GALNT9: variants seen among roughly 807,000 people sequenced by gnomAD.
The protein encoded by GALNT9 is GalNAc transferase 9.
Under a neutral mutation model 63.1 loss-of-function variants are expected in GALNT9, and 47 were observed. That is an observed-to-expected ratio of 0.75 (90% CI 0.59 to 0.95). GALNT9 has a LOEUF of 0.95. GALNT9 is among the 40% of genes least tolerant of loss of function. The probability of loss-of-function intolerance (pLI) is 0.00; values close to 1 mark genes in which losing one functional copy is unlikely to be tolerated. For missense variants in GALNT9, 829 were observed against 874.8 expected (o/e 0.95, Z 0.66); for synonymous variants, 396 against 365.7 (o/e 1.08, Z -0.94).
At chr12:132,317,400 TGCCCAG>T (rs749064468) in intron 1 of GALNT9, among the ~76,000 whole-genome samples, 1 of 152,306 alleles carries the variant, frequency 6.6e-6, no homozygotes, top group South Asian at 2.1e-4. Context: ...TCACAGTGTG[TGCCCAG>T]GCCCAGGCCT....
At chr12:132,210,851 GTCTGGCGGTTGCCA>G (rs1458505049) in intron 6 of GALNT9, among the ~76,000 whole-genome samples, 1 of 148,438 alleles carries the variant, frequency 6.7e-6, no homozygotes, top group African/African-American at 2.6e-5. Context: ...GGAGGTCGCC[GTCTGGCGGTTGCCA>G]TCTGGAGGTC....
chr12:132,260,076 G>T (rs1555239577), intron 4 of GALNT9, among the ~76,000 whole-genome samples: 1 of 99,728 alleles, frequency 1.0e-5, no homozygotes, highest in Non-Finnish European at 2.0e-5. Flanking sequence ...GGACCCCGTA[G>T]GTGCCCTCTG....
intron 4 of GALNT9, among the ~76,000 whole-genome samples, chr12:132,258,484 C>T (rs73469886): frequency 0.033 from 5,016 of 152,246 alleles, 274 homozygotes; most frequent in African/African-American, 0.11. Flanking sequence ...CGCTCAAGGA[C>T]GGGACGGAGG....
intron 1 of GALNT9, among the ~76,000 whole-genome samples, chr12:132,307,161 G>A (rs1329383297): frequency 7.2e-5 from 11 of 152,150 alleles, no homozygotes; most frequent in Non-Finnish European, 2.9e-5. Context: ...GAGTGGTGGG[G>A]ACTGCGGCTC....
intron 6 of GALNT9, among the ~76,000 whole-genome samples, chr12:132,235,545 A>C (rs1286579407): frequency 6.6e-6 from 1 of 152,040 alleles, no homozygotes; most frequent in African/African-American, 2.4e-5. Context: ...AACCCCCTTG[A>C]AGTGCCCCTC....
At chr12:132,263,496 C>T (rs1163211114) in intron 2 of GALNT9, among the ~76,000 whole-genome samples, 1 of 151,986 alleles carries the variant, frequency 6.6e-6, no homozygotes, top group African/African-American at 2.4e-5. Context: ...AGAGGCACTC[C>T]CAGAGCCCAG....
At position 132,246,917 on chromosome 12, in the gene GALNT9, A is replaced by C. The variant is rs1555238034; in HGVS notation, c.1077+993T>G. On this transcript the variant is annotated intron_variant, in intron 6 of 10. Coordinates refer to ENST00000328957, the MANE Select transcript of GALNT9 (RefSeq NM_001122636.2). The surrounding 1 kb of genome is among the most constrained non-coding windows in gnomAD (Gnocchi z 4.7). ...CGTTTTATTGATTGAATTTGTGTCC[A>C]CGATAGTACGATCTTTAAAGTGAAC... Among the ~76,000 whole-genome samples the C allele has an allele frequency of 6.6e-6, 1 of 152,208 alleles. No homozygotes were observed. The highest frequency in any genetic ancestry group is 6.5e-5 in the Admixed American group (1 of 15,274).
At chr12:132,293,792 C>T (rs963698733) in intron 1 of GALNT9, among the ~76,000 whole-genome samples, 5 of 144,512 alleles carry the variant, frequency 3.5e-5, no homozygotes, top group Admixed American at 2.0e-4. Context: ...AACGAGAAGC[C>T]GGGGGGTCCC....
In GALNT9 at chr12:132,296,198, GGA is replaced by G. The variant is rs1881072043; in HGVS notation, c.239-9770_239-9769del. On this transcript the variant is annotated intron_variant, in intron 1 of 10. Coordinates refer to ENST00000328957, the MANE Select transcript of GALNT9 (RefSeq NM_001122636.2). This position sits in a 1 kb window ranked among gnomAD's most constrained non-coding sequence, Gnocchi z 4.2. The stretch of plus-strand genomic sequence containing the variant: ...CGGAATAGGGACGGCCTCCGAACAG[GGA>G]GAGTGTCCGTTTCTGTTGGTCTAAG... Among the ~76,000 whole-genome samples, 1 of 152,270 alleles carries G rather than the reference GGA, an allele frequency of 6.6e-6. No homozygotes were observed. The highest frequency in any genetic ancestry group is 1.5e-5 in the Non-Finnish European group (1 of 68,052).
intron 4 of GALNT9, 144 bp downstream of exon 4, chr12:132,260,804 C>G: frequency 8.4e-7 from 1 of 1,189,648 alleles, no homozygotes; most frequent in Non-Finnish European, 1.1e-6. Context: ...TGGTGGCTCT[C>G]AGTCCCAGAT....
At position 132,272,086 on chromosome 12, in the gene GALNT9, C is replaced by G. The variant is rs1403016940; in HGVS notation, c.420-9461G>C. Among the ~76,000 whole-genome samples, 3 of 152,210 alleles carry G rather than the reference C, an allele frequency of 2.0e-5. 1 individual carries two copies. Among genetic ancestry groups the G allele is most frequent in the Non-Finnish European group, 2.9e-5 (2 of 68,030 alleles). On this transcript the variant is annotated intron_variant, in intron 2 of 10. Coordinates refer to ENST00000328957, the MANE Select transcript of GALNT9 (RefSeq NM_001122636.2). The stretch of plus-strand genomic sequence containing the variant: ...AATGCCGTCACGCCCCGCCCGGCTC[C>G]CCCAACTCAGAGCAGCCCCAGAGCG...
At chr12:132,206,742 A>G (rs1028373359) in intron 6 of GALNT9, among the ~76,000 whole-genome samples, 1 of 152,022 alleles carries the variant, frequency 6.6e-6, no homozygotes, top group Non-Finnish European at 1.5e-5. Flanking sequence ...CCCAGCCGGC[A>G]ACTGGGAGGA....
At chr12:132,251,089 G>A (rs552303190) in intron 5 of GALNT9, among the ~76,000 whole-genome samples, 3 of 152,282 alleles carry the variant, frequency 2.0e-5, no homozygotes, top group East Asian at 3.9e-4. Context: ...CTGAAACCTC[G>A]CCGTGCAAGA....
At chr12:132,283,625 A>C (rs1555241875) in intron 2 of GALNT9, 1 of 152,234 alleles carries the variant, frequency 6.6e-6, no homozygotes, top group African/African-American at 2.4e-5. Flanking sequence ...GGTGGAGACC[A>C]AGGTCAGCCA....
chr12:132,238,564 G>A lies in GALNT9; in HGVS notation c.1077+9346C>T, dbSNP rs1430620616. ...CGGGGCCGTGGCATGGGGAGGGGCT[G>A]CCCTAGGGATGGGGACTCCTGGCCT... On this transcript the variant is annotated intron_variant, in intron 6 of 10. Transcript: ENST00000328957. This position sits in a 1 kb window ranked among gnomAD's most constrained non-coding sequence, Gnocchi z 6.5. Among the ~76,000 whole-genome samples the A allele has an allele frequency of 6.6e-6, 1 of 152,154 alleles. No individual in the cohort carries two copies. Among genetic ancestry groups the A allele is most frequent in the African/African-American group, 2.4e-5 (1 of 41,426 alleles).
chr12:132,202,831 C>T (rs776650498), intron 7 of GALNT9, among the ~76,000 whole-genome samples: 11 of 151,976 alleles, frequency 7.2e-5, no homozygotes, highest in South Asian at 2.1e-4. Context: ...GGGGGTGGGG[C>T]GCTTTGAGAA....
intron 1 of GALNT9, among the ~76,000 whole-genome samples, chr12:132,306,178 T>C (rs931861542): frequency 1.3e-5 from 2 of 152,314 alleles, no homozygotes; most frequent in Admixed American, 1.3e-4. Flanking sequence ...ACAGGCAGCG[T>C]TGGAAGCGGC....
chr12:132,280,398 T>C (rs782041162), intron 2 of GALNT9: 27 of 152,244 alleles, frequency 1.8e-4, no homozygotes, highest in Non-Finnish European at 3.8e-4. Flanking sequence ...CTCACAGGCA[T>C]TCCTGAGGAC....
intron 2 of GALNT9, chr12:132,283,787 G>A (rs2135559994): frequency 6.6e-6 from 1 of 152,386 alleles, no homozygotes; most frequent in South Asian, 2.1e-4. Context: ...GCTCGCACCT[G>A]GCCTCTCCTG....
Sources: allele counts gnomAD v4.1 joint callset (sites outside exome capture counted in the v4.1 genomes callset), GRCh38; gene constraint gnomAD v4.1.1; non-coding constraint Gnocchi (gnomAD v3.1); transcripts MANE v1.5; gene names NCBI Gene and HGNC (gene_info 2026-07-23, HGNC 2026-07-21).